Variants in MAGI3 observed in about 807,000 individuals in gnomAD.
The protein encoded by MAGI3 is membrane-associated guanylate kinase, WW and PDZ domain-containing protein 3.
A neutral mutation model predicts 121.8 loss-of-function variants in MAGI3; 43 were observed. The ratio of observed to expected loss-of-function variants is 0.35; its 90% CI spans 0.28 to 0.46. MAGI3 has a LOEUF of 0.46. Ranked by LOEUF, MAGI3 falls within the 20% of genes least tolerant of loss-of-function variation. The pLI, the probability that MAGI3 is intolerant of heterozygous loss-of-function variation, is 1.00. For missense variants in MAGI3, 1,547 were observed against 1,797.3 expected, an observed-to-expected ratio of 0.86 and a Z score of 2.52; for synonymous variants, 553 against 639.3, an observed-to-expected ratio of 0.86 and a Z score of 2.04.
chr1:113,680,662 T>C (rs866616125), intron 19 of MAGI3, among the ~76,000 whole-genome samples: 61 of 151,876 alleles, frequency 4.0e-4, no homozygotes, highest in African/African-American at 8.4e-4. Flanking sequence ...GAGGCTGAGG[T>C]AGTAGAATGG....
At chr1:113,562,340 T>C (rs980583362) in intron 2 of MAGI3, among the ~76,000 whole-genome samples, 2 of 152,066 alleles carry the variant, frequency 1.3e-5, no homozygotes, top group Non-Finnish European at 2.9e-5. Context: ...GAGGTGGAGC[T>C]TGCAATGAGC....
chr1:113,577,925 A>G (rs780038118), intron 2 of MAGI3, among the ~76,000 whole-genome samples: 5 of 152,164 alleles, frequency 3.3e-5, no homozygotes, highest in Non-Finnish European at 5.9e-5. Context: ...ATTATGTTTT[A>G]TAGTGGAGTT....
At chr1:113,604,472 C>G (rs1488053789) in intron 6 of MAGI3, among the ~76,000 whole-genome samples, 1 of 139,930 alleles carries the variant, frequency 7.1e-6, no homozygotes, top group African/African-American at 2.7e-5. Flanking sequence ...GAGGCTGAGG[C>G]AGGAGAATCG....
At chr1:113,415,975 A>G (rs1179594047) in intron 1 of MAGI3, among the ~76,000 whole-genome samples, 1 of 101,574 alleles carries the variant, frequency 9.8e-6, no homozygotes, top group African/African-American at 4.9e-5. Context: ...GGTCAAAAAC[A>G]TTTATATATA....
At chr1:113,644,419 T>C (rs1327230378) in intron 11 of MAGI3, among the ~76,000 whole-genome samples, 1 of 152,172 alleles carries the variant, frequency 6.6e-6, no homozygotes, top group Non-Finnish European at 1.5e-5. Flanking sequence ...TAGCTGGGAC[T>C]ACAGGTGCAC....
At chr1:113,536,455 C>G (rs1483694021) in intron 1 of MAGI3, among the ~76,000 whole-genome samples, 4 of 152,002 alleles carry the variant, frequency 2.6e-5, no homozygotes, top group Non-Finnish European at 1.5e-5. Flanking sequence ...AGAATTTTTC[C>G]CCCTACTTTT....
chr1:113,522,760 T>C (rs1264331498), intron 1 of MAGI3, among the ~76,000 whole-genome samples: 1 of 152,212 alleles, frequency 6.6e-6, no homozygotes. Context: ...ATGCCAAATT[T>C]TCCTTATTTC....
Position 113,390,905 on chromosome 1 carries a change from G to C in MAGI3, c.-129G>C, listed in dbSNP as rs541561145. On this transcript the variant is annotated 5_prime_UTR_variant, in exon 1 of 21. Transcript: ENST00000307546. ...CCCAGCGGGCTGTGGTCGCGGGGTG[G>C]GGGCCGGAGCGGCGAGGCCCCCCTT... 7.7e-5 allele frequency: 45 copies of C among 582,338 alleles called. No homozygotes were observed. In the South Asian group the frequency reaches 3.8e-3, roughly 49 times the overall value. 36.1% of individuals were successfully genotyped at this position (582,338 alleles called of 1,614,324 possible). A position where few individuals can be genotyped will look rare whatever the true frequency, so the allele number is the denominator to read the frequency against.
At chr1:113,493,214 T>C (rs1656750771) in intron 1 of MAGI3, among the ~76,000 whole-genome samples, 1 of 152,094 alleles carries the variant, frequency 6.6e-6, no homozygotes, top group Admixed American at 6.6e-5. Flanking sequence ...TGGAATGGAT[T>C]AGAGAACCCA....
Position 113,437,806 on chromosome 1 carries a change from TTTCTTC to T in MAGI3, c.316+46509_316+46514del, listed in dbSNP as rs759591213. ...CTTCTTCTTCCTTCTTCTTTCTTCT[TTTCTTC>T]TTCTTCTTCTTCTTCTTCTTCTTCT... On this transcript the variant is annotated intron_variant, in intron 1 of 20. Coordinates refer to ENST00000307546, the MANE Select transcript of MAGI3 (RefSeq NM_001142782.2). Among the ~76,000 whole-genome samples, 145 of 119,568 alleles carry T rather than the reference TTTCTTC, an allele frequency of 1.2e-3. 3 individuals carry two copies. Among genetic ancestry groups the T allele is most frequent in the African/African-American group, 3.3e-3 (105 of 32,170 alleles). 78.4% of individuals were successfully genotyped at this position (119,568 alleles called of 152,430 possible).
chr1:113,555,424 G>T (rs758078224), intron 2 of MAGI3, among the ~76,000 whole-genome samples: 16 of 152,178 alleles, frequency 1.1e-4, no homozygotes, highest in Non-Finnish European at 1.9e-4. Flanking sequence ...TAAAACATCA[G>T]TAAGGTAATA....
chr1:113,583,793 A>T (rs1455095880), intron 3 of MAGI3, among the ~76,000 whole-genome samples: 2 of 152,080 alleles, frequency 1.3e-5, no homozygotes, highest in African/African-American at 2.4e-5. Flanking sequence ...CTTTGCATCC[A>T]TCTGTATGAC....
chr1:113,629,045 C>G (rs1651424773), intron 9 of MAGI3, among the ~76,000 whole-genome samples: 1 of 152,128 alleles, frequency 6.6e-6, no homozygotes, highest in Admixed American at 6.5e-5. Flanking sequence ...GGGCCAATAA[C>G]TCTTAGAATT....
intron 7 of MAGI3, among the ~76,000 whole-genome samples, chr1:113,617,782 C>A (rs963733722): frequency 6.6e-6 from 1 of 152,080 alleles, no homozygotes; most frequent in Non-Finnish European, 1.5e-5. Context: ...ATATCAGTAC[C>A]TAAATAAATT....
intron 16 of MAGI3, among the ~76,000 whole-genome samples, chr1:113,666,569 A>C (rs950530476): frequency 2.6e-5 from 4 of 152,224 alleles, no homozygotes; most frequent in African/African-American, 9.6e-5. Context: ...CCACATCTGC[A>C]GTTACTTCCT....
Position 113,390,925 on chromosome 1 carries a change from C to T in MAGI3, c.-109C>T, listed in dbSNP as rs1650750768. On this transcript the variant is annotated 5_prime_UTR_variant, in exon 1 of 21. Coordinates refer to ENST00000307546, the MANE Select transcript of MAGI3 (RefSeq NM_001142782.2). ...GGGTGGGGGCCGGAGCGGCGAGGCCCCCCTTACCGGGCTGCGCGGGCCGCC... is the reference window on the plus strand; with the variant it reads ...GGGTGGGGGCCGGAGCGGCGAGGCCTCCCTTACCGGGCTGCGCGGGCCGCC... 8.3e-6 allele frequency: 7 copies of T among 842,450 alleles called. No individual in the cohort carries two copies. The highest frequency in any genetic ancestry group is 1.1e-5 in the Non-Finnish European group (7 of 637,312). The allele number at this position is 842,450 out of a possible 1,614,324, so 52.2% of individuals were successfully genotyped here.
At position 113,649,384 on chromosome 1, in the gene MAGI3, G is replaced by A. The variant is rs1452071056; in HGVS notation, c.2247+56G>A. On this transcript the variant is annotated intron_variant, in intron 13 of 20. Transcript: ENST00000307546. ...TTCCTGTTCAAACGTTTTGAGTGGTGATTTGGTGGATTATGGTGTGTTTTA... is the reference window on the plus strand; with the variant it reads ...TTCCTGTTCAAACGTTTTGAGTGGTAATTTGGTGGATTATGGTGTGTTTTA... 3.3e-6 allele frequency: 4 copies of A among 1,225,372 alleles called. No homozygotes were observed. The Admixed American group carries it at 6.5e-5, about 20-fold the overall frequency. 75.9% of individuals were successfully genotyped at this position (1,225,372 alleles called of 1,614,324 possible). A position where few individuals can be genotyped will look rare whatever the true frequency, so the allele number is the denominator to read the frequency against.
At chr1:113,451,675 A>G (rs901534036) in intron 1 of MAGI3, among the ~76,000 whole-genome samples, 2 of 152,156 alleles carry the variant, frequency 1.3e-5, no homozygotes, top group Non-Finnish European at 2.9e-5. Context: ...AAGCAACTAT[A>G]TGTATATTTC....
At chr1:113,433,321 G>T (rs1289971698) in intron 1 of MAGI3, among the ~76,000 whole-genome samples, 1 of 152,090 alleles carries the variant, frequency 6.6e-6, no homozygotes, top group Non-Finnish European at 1.5e-5. Context: ...TGCTCTGGCT[G>T]ATTTTTTATT....
Sources: gnomAD v4.1 joint callset for allele counts (sites outside exome capture counted in the v4.1 genomes callset) on GRCh38, gnomAD v4.1.1 for gene constraint, MANE v1.5 for transcripts, NCBI Gene and HGNC (gene_info 2026-07-23, HGNC 2026-07-21) for gene names.